KCNK13: variants seen among roughly 807,000 people sequenced by gnomAD.
The protein encoded by KCNK13 is potassium two pore domain channel subfamily K member 13, also known as potassium channel subfamily K member 13.
A neutral mutation model predicts 23.4 loss-of-function variants in KCNK13; 12 were observed. That is an observed-to-expected ratio of 0.51 (90% confidence interval 0.33 to 0.83). The LOEUF is 0.83. Ranked by LOEUF, KCNK13 falls within the 40% of genes least tolerant of loss-of-function variation. The probability of loss-of-function intolerance (pLI) is 0.02; values close to 1 mark genes in which losing one functional copy is unlikely to be tolerated. For synonymous variants in KCNK13, 231 were observed against 229.5 expected, an observed-to-expected ratio of 1.01 and a Z score of -0.06; for missense variants, 463 against 556.3, an observed-to-expected ratio of 0.83 and a Z score of 1.69.
At chr14:90,071,847 G>A (rs1313189710) in intron 1 of KCNK13, among the ~76,000 whole-genome samples, 1 of 151,588 alleles carries the variant, frequency 6.6e-6, no homozygotes, top group African/African-American at 2.4e-5. Context: ...GCAGTGAGCC[G>A]AGATCGCACC....
intron 1 of KCNK13, among the ~76,000 whole-genome samples, chr14:90,150,984 G>C (rs1445131731): frequency 6.6e-6 from 1 of 150,626 alleles, no homozygotes; most frequent in Non-Finnish European, 1.5e-5. Context: ...GTCTCAAAAA[G>C]AAAAAAAAAG....
chr14:90,146,456 C>G (rs942671520), intron 1 of KCNK13, among the ~76,000 whole-genome samples: 10 of 152,112 alleles, frequency 6.6e-5, no homozygotes, highest in Non-Finnish European at 1.3e-4. Flanking sequence ...GCTGGGATTA[C>G]AGGTGTGCAT....
At chr14:90,130,548 C>A (rs1056181254) in intron 1 of KCNK13, among the ~76,000 whole-genome samples, 9 of 151,836 alleles carry the variant, frequency 5.9e-5, no homozygotes, top group Admixed American at 3.3e-4. Flanking sequence ...CACAGTCGCC[C>A]ATGCCTGTAA....
At chr14:90,086,358 G>A (rs1390703689) in intron 1 of KCNK13, among the ~76,000 whole-genome samples, 1 of 152,146 alleles carries the variant, frequency 6.6e-6, no homozygotes, top group Non-Finnish European at 1.5e-5. Flanking sequence ...GAAAACTGAA[G>A]CACAGAGGTT....
intron 1 of KCNK13, among the ~76,000 whole-genome samples, chr14:90,098,914 C>A (rs1889442705): frequency 6.6e-6 from 1 of 152,020 alleles, no homozygotes; most frequent in South Asian, 2.1e-4. Flanking sequence ...CCCATCTCTA[C>A]TAAAAATACA....
At chr14:90,134,445 G>T (rs1889911466) in intron 1 of KCNK13, among the ~76,000 whole-genome samples, 1 of 152,146 alleles carries the variant, frequency 6.6e-6, no homozygotes, top group Admixed American at 6.5e-5. Flanking sequence ...AGATTAGTCA[G>T]AACTGAGCTG....
intron 1 of KCNK13, among the ~76,000 whole-genome samples, chr14:90,094,645 CTTTT>C (rs778654067): frequency 0.23 from 25,786 of 110,370 alleles, 2,199 homozygotes; most frequent in South Asian, 0.35. Context: ...TCTTTTTTTT[CTTTT>C]TTTTTTTTTT....
chr14:90,153,938 C>T (rs1890164992), intron 1 of KCNK13, among the ~76,000 whole-genome samples: 1 of 152,166 alleles, frequency 6.6e-6, no homozygotes, highest in Non-Finnish European at 1.5e-5. Context: ...CCTGGCGTCA[C>T]CAGGTGGTGG....
intron 1 of KCNK13, among the ~76,000 whole-genome samples, chr14:90,141,523 T>C (rs1211995107): frequency 6.6e-6 from 1 of 152,012 alleles, no homozygotes; most frequent in African/African-American, 2.4e-5. Flanking sequence ...AATGGCACGA[T>C]CTTGGCTCAC....
chr14:90,185,334 C>T lies in KCNK13; in HGVS notation c.*331C>T, dbSNP rs1396749806. The T allele has an allele frequency of 5.0e-6, 1 of 199,052 alleles. No homozygotes were observed. Among genetic ancestry groups the T allele is most frequent in the African/African-American group, 2.3e-5 (1 of 43,120 alleles). The allele number at this position is 199,052 out of a possible 1,614,324, so 12.3% of individuals were successfully genotyped here. On this transcript the variant is annotated 3_prime_UTR_variant, in exon 2 of 2. Transcript: ENST00000282146. ...TAGCTGCCTGAGGAGATAGGTTTTCCTTAAGCCTTGATTTCCTGAAGCTCT... is the reference window on the plus strand; with the variant it reads ...TAGCTGCCTGAGGAGATAGGTTTTCTTTAAGCCTTGATTTCCTGAAGCTCT...
intron 1 of KCNK13, among the ~76,000 whole-genome samples, chr14:90,171,986 G>T (rs1480686577): frequency 6.6e-6 from 1 of 152,254 alleles, no homozygotes; most frequent in East Asian, 1.9e-4. Context: ...AGAACTCAGT[G>T]GGCAGTGTTC....
In KCNK13 at chr14:90,184,019, T is replaced by G; in HGVS notation, c.335-92T>G. ...GGCTGAGTGATTTTATGAAACTCTC[T>G]TTAGGTCCTTTGCCAGCCATCAAAG... On this transcript the variant is annotated intron_variant, in intron 1 of 1. Coordinates refer to ENST00000282146, the MANE Select transcript of KCNK13 (RefSeq NM_022054.4). The surrounding 1 kb of genome is among the most constrained non-coding windows in gnomAD (Gnocchi z 5.6). The G allele has an allele frequency of 1.8e-6, 2 of 1,133,910 alleles. No individual in the cohort carries two copies. Among genetic ancestry groups the G allele is most frequent in the East Asian group, 4.7e-5 (2 of 42,422 alleles). The allele number at this position is 1,133,910 out of a possible 1,614,324, so 70.2% of individuals were successfully genotyped here.
chr14:90,102,558 T>C (rs1889494505), intron 1 of KCNK13, among the ~76,000 whole-genome samples: 1 of 152,208 alleles, frequency 6.6e-6, no homozygotes, highest in South Asian at 2.1e-4. Flanking sequence ...TTCCTGGTTA[T>C]TGGGAGTCAA....
intron 1 of KCNK13, among the ~76,000 whole-genome samples, chr14:90,138,741 C>T (rs1889967354): frequency 6.6e-6 from 1 of 152,240 alleles, no homozygotes; most frequent in South Asian, 2.1e-4. Flanking sequence ...TAAGCCCACC[C>T]TGCCTGCACT....
At chr14:90,135,069 T>C (rs538918576) in intron 1 of KCNK13, among the ~76,000 whole-genome samples, 7 of 152,336 alleles carry the variant, frequency 4.6e-5, no homozygotes, top group Admixed American at 1.3e-4. Context: ...TTGCACGTTG[T>C]TAAATCGCAG....
chr14:90,087,146 A>G (rs868389474), intron 1 of KCNK13, among the ~76,000 whole-genome samples: 7 of 112,642 alleles, frequency 6.2e-5, no homozygotes, highest in Non-Finnish European at 1.1e-4. Context: ...ATATATATAT[A>G]TATATATATT....
intron 1 of KCNK13, among the ~76,000 whole-genome samples, chr14:90,107,483 A>T (rs1026202124): frequency 5.9e-5 from 9 of 151,996 alleles, no homozygotes; most frequent in Admixed American, 1.3e-4. Flanking sequence ...GTCTCAAAAA[A>T]ATATATATAT....
chr14:90,136,776 A>G (rs1306308626), intron 1 of KCNK13, among the ~76,000 whole-genome samples: 2 of 152,126 alleles, frequency 1.3e-5, no homozygotes, highest in Non-Finnish European at 2.9e-5. Context: ...AGAGAAGGAA[A>G]GTGCTCCATT....
chr14:90,121,963 G>T (rs1270535841), intron 1 of KCNK13, among the ~76,000 whole-genome samples: 1 of 151,878 alleles, frequency 6.6e-6, no homozygotes, highest in Non-Finnish European at 1.5e-5. Flanking sequence ...CAAGTGATCT[G>T]CCCGCCTCTG....
Sources: gnomAD v4.1 joint callset for allele counts (sites outside exome capture counted in the v4.1 genomes callset) on GRCh38, gnomAD v4.1.1 for gene constraint, Gnocchi (gnomAD v3.1) non-coding constraint, MANE v1.5 for transcripts, NCBI Gene and HGNC (gene_info 2026-07-23, HGNC 2026-07-21) for gene names.